IPCEF1: variants seen among roughly 807,000 people sequenced by gnomAD.
The protein encoded by IPCEF1 is interaction protein for cytohesin exchange factors 1, also known as interactor protein for cytohesin exchange factors 1.
A neutral mutation model predicts 50.9 loss-of-function variants in IPCEF1; 31 were observed. That is an observed-to-expected ratio of 0.61 (90% confidence interval 0.46 to 0.82). The LOEUF (loss-of-function observed/expected upper bound fraction) is 0.82. IPCEF1 is among the 40% of genes least tolerant of loss of function. The pLI is 0.00. For missense variants in IPCEF1, 458 were observed against 514.0 expected (o/e 0.89, Z 1.05); for synonymous variants, 181 against 192.0 (o/e 0.94, Z 0.47).
chr6:154,344,604 G>A (rs551470941), intron 1 of IPCEF1, among the ~76,000 whole-genome samples: 3 of 152,182 alleles, frequency 2.0e-5, no homozygotes, highest in East Asian at 1.9e-4. Context: ...GATTCTTCCC[G>A]GTATAGGAGT....
Position 154,219,638 on chromosome 6 carries a change from T to TA in IPCEF1, c.392+1618dup, listed in dbSNP as rs879751181. On this transcript the variant is annotated intron_variant, in intron 7 of 11. Coordinates refer to ENST00000367220, the MANE Select transcript of IPCEF1 (RefSeq NM_001130700.2). ...AACAGGATTTAGCAACTGATGCAAATAAAAAAAAAATAAGTAAAGATCTTT... is the reference window on the plus strand; with the variant it reads ...AACAGGATTTAGCAACTGATGCAAATAAAAAAAAAAATAAGTAAAGATCTTT... 5.1e-3 allele frequency among the ~76,000 whole-genome samples: 752 copies of TA among 147,664 alleles called. 9 individuals carry two copies. The highest frequency in any genetic ancestry group is 0.017 in the African/African-American group (687 of 40,460).
chr6:154,280,222 T>G (rs762377801), intron 2 of IPCEF1, among the ~76,000 whole-genome samples: 11 of 152,218 alleles, frequency 7.2e-5, no homozygotes, highest in African/African-American at 2.2e-4. Flanking sequence ...TGCAAATGTA[T>G]GCTGAAAATG....
At chr6:154,202,700 G>A (rs556974846) in intron 9 of IPCEF1, among the ~76,000 whole-genome samples, 2 of 152,302 alleles carry the variant, frequency 1.3e-5, no homozygotes, top group South Asian at 4.1e-4. Context: ...TCTGCTTAAA[G>A]TATCAAGACC....
intron 3 of IPCEF1, among the ~76,000 whole-genome samples, chr6:154,248,577 T>TATA (rs1781246428): frequency 6.6e-6 from 1 of 152,178 alleles, no homozygotes; most frequent in Non-Finnish European, 1.5e-5. Context: ...TAACTATTGA[T>TATA]CTGATAGCTA....
intron 2 of IPCEF1, among the ~76,000 whole-genome samples, chr6:154,285,230 T>A (rs1188639160): frequency 6.6e-6 from 1 of 152,204 alleles, no homozygotes; most frequent in African/African-American, 2.4e-5. Context: ...GACATTGGTA[T>A]CTCTACTGAG....
At chr6:154,228,112 T>C (rs1779412294) in intron 5 of IPCEF1, among the ~76,000 whole-genome samples, 1 of 152,140 alleles carries the variant, frequency 6.6e-6, no homozygotes, top group South Asian at 2.1e-4. Context: ...CCTATTATAT[T>C]AACTAAAATA....
chr6:154,180,439 T>C (rs1490983651), intron 10 of IPCEF1, among the ~76,000 whole-genome samples: 1 of 149,690 alleles, frequency 6.7e-6, no homozygotes, highest in East Asian at 1.9e-4. Flanking sequence ...ATGATCCTTC[T>C]TGGTGACATT....
chr6:154,204,293 C>A (rs767349142), intron 9 of IPCEF1, among the ~76,000 whole-genome samples: 3 of 151,982 alleles, frequency 2.0e-5, no homozygotes, highest in Non-Finnish European at 4.4e-5. Context: ...AAATGGCCAC[C>A]CAAACCCTGT....
intron 8 of IPCEF1, among the ~76,000 whole-genome samples, chr6:154,213,749 G>A (rs893313541): frequency 2.6e-5 from 4 of 152,128 alleles, no homozygotes; most frequent in African/African-American, 7.2e-5. Context: ...GCTACCGACT[G>A]AGCTAAAAAT....
intron 3 of IPCEF1, among the ~76,000 whole-genome samples, chr6:154,251,859 A>G (rs1220551620): frequency 6.6e-6 from 1 of 152,108 alleles, no homozygotes; most frequent in African/African-American, 2.4e-5. Context: ...AGAAGACGGA[A>G]GAAGGAGGAA....
chr6:154,215,125 A>G (rs1008822155), intron 7 of IPCEF1, among the ~76,000 whole-genome samples: 2 of 152,164 alleles, frequency 1.3e-5, no homozygotes, highest in Admixed American at 6.5e-5. Context: ...CAATTCGTCT[A>G]TGCTTTTGAT....
chr6:154,203,639 TCCTGGAACTAAAC>T (rs1777250588), intron 9 of IPCEF1, among the ~76,000 whole-genome samples: 1 of 152,152 alleles, frequency 6.6e-6, no homozygotes, highest in Non-Finnish European at 1.5e-5. Flanking sequence ...TCCATGGGGT[TCCTGGAACTAAAC>T]CCCCACAGAT....
rs548492042 is a variant in IPCEF1, at chr6:154,341,080, T to C, written c.-62+15592A>G. 7.9e-5 allele frequency among the ~76,000 whole-genome samples: 12 copies of C among 152,094 alleles called. No homozygotes were observed. In the East Asian group the frequency reaches 1.9e-3, roughly 24 times the overall value. On this transcript the variant is annotated intron_variant, in intron 1 of 11. Coordinates refer to ENST00000367220, the MANE Select transcript of IPCEF1 (RefSeq NM_001130700.2). Reference sequence around the variant, plus strand: ...GGAGAGGGGGCTTCCAGGTCACAGATAGGTGAGAGACAAGCTGTTGCATTC... The same window carrying C: ...GGAGAGGGGGCTTCCAGGTCACAGACAGGTGAGAGACAAGCTGTTGCATTC...
At chr6:154,248,161 T>G (rs1781206938) in intron 3 of IPCEF1, among the ~76,000 whole-genome samples, 1 of 152,208 alleles carries the variant, frequency 6.6e-6, no homozygotes, top group Non-Finnish European at 1.5e-5. Context: ...ATAAATTAGT[T>G]ACCACCTACT....
intron 3 of IPCEF1, among the ~76,000 whole-genome samples, chr6:154,253,537 G>A (rs960755987): frequency 6.6e-6 from 1 of 152,110 alleles, no homozygotes; most frequent in African/African-American, 2.4e-5. Context: ...GATGCACATT[G>A]AAATTATTTA....
In IPCEF1 at chr6:154,159,992, T is replaced by G; in HGVS notation, c.1153A>C (p.Lys385Gln). Residue 385 changes from lysine to glutamine, a missense_variant, in exon 12 of 12, where the codon AAG becomes CAG. By Grantham distance (53) the Lys-to-Gln change is moderately conservative (BLOSUM62 1). Transcript: ENST00000367220. ...AMINQLLDDP[K>Q]LTARKYREWK... ...TCTCTGTATTTCCTGGCTGTCAGCT[T>G]CGGGTCATCCAGCAACTGGTTAATC... 6.2e-7 allele frequency: 1 copy of G among 1,612,760 alleles called. No individual in the cohort carries two copies. Among genetic ancestry groups the G allele is most frequent in the Non-Finnish European group, 8.5e-7 (1 of 1,179,956 alleles).
intron 3 of IPCEF1, 141 bp from the exon 4 acceptor site, chr6:154,247,629 G>A (rs2128644214): frequency 5.0e-6 from 3 of 604,888 alleles, no homozygotes; most frequent in Admixed American, 2.8e-5. Context: ...GCTTAACGGG[G>A]AGCTACTAGC....
rs566602103 is a variant in IPCEF1 at position 154,207,248 on chromosome 6, C to T, written c.537+5522G>A. 2.0e-3 allele frequency among the ~76,000 whole-genome samples: 297 copies of T among 152,246 alleles called. 2 individuals carry two copies. Among genetic ancestry groups the T allele is most frequent in the African/African-American group, 6.7e-3 (279 of 41,552 alleles). The stretch of plus-strand genomic sequence containing the variant: ...GTGAATGAAGATGAGCTGTTAAAGC[C>T]AGAGGCAAAAATATAAACACGAATT... On this transcript the variant is annotated intron_variant, in intron 9 of 11. Coordinates refer to ENST00000367220, the MANE Select transcript of IPCEF1 (RefSeq NM_001130700.2).
intron 1 of IPCEF1, among the ~76,000 whole-genome samples, chr6:154,339,687 T>C (rs1783863387): frequency 1.3e-5 from 2 of 152,130 alleles, no homozygotes; most frequent in African/African-American, 4.8e-5. Flanking sequence ...ACTCCTGGGA[T>C]CAAGTGATTC....
Sources: gnomAD v4.1 joint callset for allele counts (sites outside exome capture counted in the v4.1 genomes callset) on GRCh38, gnomAD v4.1.1 for gene constraint, MANE v1.5 for transcripts, NCBI Gene and HGNC (gene_info 2026-07-23, HGNC 2026-07-21) for gene names.